Variants in NRXN3 observed in about 807,000 individuals in gnomAD.
NRXN3 encodes neurexin III.
NRXN3 carries 32 observed loss-of-function variants against 137.6 expected under a neutral mutation model. That is an observed-to-expected ratio of 0.23 (90% CI 0.18 to 0.31). The LOEUF (loss-of-function observed/expected upper bound fraction) is 0.31. NRXN3 is among the 10% of genes least tolerant of loss of function. The pLI, the probability that NRXN3 is intolerant of heterozygous loss-of-function variation, is 1.00. For synonymous variants in NRXN3, 798 were observed against 784.5 expected, an observed-to-expected ratio of 1.02 and a Z score of -0.29; for missense variants, 1,574 against 2,062.5, an observed-to-expected ratio of 0.76 and a Z score of 4.59.
chr14:79,020,647 G>A (rs574133919), intron 15 of NRXN3, among the ~76,000 whole-genome samples: 2 of 151,954 alleles, frequency 1.3e-5, no homozygotes, highest in South Asian at 4.2e-4. Flanking sequence ...TTAGAGGGGT[G>A]GAAGTTTAAG....
At chr14:79,773,654 G>T (rs2099087067) in intron 19 of NRXN3, among the ~76,000 whole-genome samples, 3 of 150,024 alleles carry the variant, frequency 2.0e-5, no homozygotes, top group Admixed American at 2.0e-4. Context: ...GGGAGGGATA[G>T]CATTGGGATA....
chr14:79,291,305 A>G (rs975555164), intron 15 of NRXN3, among the ~76,000 whole-genome samples: 6 of 152,216 alleles, frequency 3.9e-5, no homozygotes, highest in African/African-American at 1.4e-4. Flanking sequence ...GCCTTTCAAT[A>G]TGCCTGACAT....
chr14:78,900,974 G>A (rs1191741876), intron 10 of NRXN3, among the ~76,000 whole-genome samples: 1 of 152,018 alleles, frequency 6.6e-6, no homozygotes, highest in Non-Finnish European at 1.5e-5. Flanking sequence ...AGGGCATGTG[G>A]GCTGAATGAG....
intron 1 of NRXN3, among the ~76,000 whole-genome samples, chr14:78,233,730 C>T (rs2065795490): frequency 6.8e-6 from 1 of 147,698 alleles, no homozygotes. Flanking sequence ...CTCCTGTGGA[C>T]ACTGCTCCTG....
chr14:78,707,527 G>A (rs2098364777), intron 6 of NRXN3, among the ~76,000 whole-genome samples: 1 of 152,164 alleles, frequency 6.6e-6, no homozygotes, highest in Non-Finnish European at 1.5e-5. Context: ...TCTGCTTTTA[G>A]ATGGATTATA....
At chr14:78,938,289 T>C (rs2099345923) in intron 10 of NRXN3, among the ~76,000 whole-genome samples, 1 of 152,258 alleles carries the variant, frequency 6.6e-6, no homozygotes, top group African/African-American at 2.4e-5. Context: ...TTTGAAGCCA[T>C]GTCTGGCTCA....
At chr14:78,501,373 T>C (rs562969072) in intron 4 of NRXN3, among the ~76,000 whole-genome samples, 2 of 152,158 alleles carry the variant, frequency 1.3e-5, no homozygotes, top group Non-Finnish European at 2.9e-5. Context: ...CCCTCCCTCA[T>C]TGCCTCACCG....
chr14:79,678,450 G>A (rs1030492770), intron 17 of NRXN3, among the ~76,000 whole-genome samples: 13 of 152,228 alleles, frequency 8.5e-5, no homozygotes, highest in East Asian at 3.9e-4. Context: ...CCCAGGTTAA[G>A]GAAAGAGGAA....
chr14:78,903,370 G>T (rs1229209782), intron 10 of NRXN3, among the ~76,000 whole-genome samples: 1 of 151,742 alleles, frequency 6.6e-6, no homozygotes, highest in Admixed American at 6.6e-5. Flanking sequence ...TCAAACTCTT[G>T]GGCTCAAGGG....
At chr14:78,995,062 A>G (rs1413396451) in intron 15 of NRXN3, among the ~76,000 whole-genome samples, 1 of 152,212 alleles carries the variant, frequency 6.6e-6, no homozygotes, top group East Asian at 1.9e-4. Flanking sequence ...AGTCATTATT[A>G]GAAATAACAG....
At chr14:78,773,293 G>A (rs1216037600) in intron 8 of NRXN3, among the ~76,000 whole-genome samples, 2 of 152,146 alleles carry the variant, frequency 1.3e-5, no homozygotes, top group East Asian at 3.9e-4. Flanking sequence ...GGGTGGGAGA[G>A]TCTGAGGGTC....
chr14:79,712,606 T>C (rs908753952), intron 19 of NRXN3, among the ~76,000 whole-genome samples: 2 of 152,196 alleles, frequency 1.3e-5, no homozygotes, highest in Non-Finnish European at 2.9e-5. Flanking sequence ...TTCCTGTAAC[T>C]CTTTGTTTGT....
At chr14:78,607,309 T>G (rs1020650508) in intron 4 of NRXN3, among the ~76,000 whole-genome samples, 7 of 152,226 alleles carry the variant, frequency 4.6e-5, no homozygotes, top group South Asian at 2.1e-4. Flanking sequence ...TGAGCTTCCA[T>G]GAAAGCATTT....
chr14:79,061,313 AGACC>A (rs1243298237), intron 15 of NRXN3, among the ~76,000 whole-genome samples: 2 of 152,228 alleles, frequency 1.3e-5, no homozygotes, highest in African/African-American at 2.4e-5. Context: ...ACAAAGCTGT[AGACC>A]TTGGTGCTAT....
chr14:78,834,239 C>A (rs563457374), intron 10 of NRXN3, among the ~76,000 whole-genome samples: 2 of 151,960 alleles, frequency 1.3e-5, no homozygotes, highest in South Asian at 2.1e-4. Context: ...GATGTGATTC[C>A]GTTATGTATT....
chr14:79,520,376 A>G (rs1278209047), intron 16 of NRXN3, among the ~76,000 whole-genome samples: 1 of 152,100 alleles, frequency 6.6e-6, no homozygotes, highest in Non-Finnish European at 1.5e-5. Flanking sequence ...TACACCTGCC[A>G]TGGTGGTTTG....
At chr14:78,456,141 A>G (rs1232981660) in intron 4 of NRXN3, among the ~76,000 whole-genome samples, 1 of 152,200 alleles carries the variant, frequency 6.6e-6, no homozygotes, top group African/African-American at 2.4e-5. Context: ...CAGTCGCAGG[A>G]CAAACAGCAC....
intron 15 of NRXN3, among the ~76,000 whole-genome samples, chr14:79,288,718 G>A (rs2082685487): frequency 6.6e-6 from 1 of 152,168 alleles, no homozygotes; most frequent in African/African-American, 2.4e-5. Flanking sequence ...CAGGAATCAA[G>A]TACACAGATT....
Position 79,667,801 on chromosome 14 carries a change from G to C in NRXN3, c.3616+3852G>C, listed in dbSNP as rs565490447. 2.5e-4 allele frequency among the ~76,000 whole-genome samples: 38 copies of C among 152,046 alleles called. No individual in the cohort carries two copies. In the East Asian group the frequency reaches 2.5e-3, roughly 10 times the overall value. On this transcript the variant is annotated intron_variant, in intron 17 of 20. Coordinates refer to ENST00000335750, the MANE Select transcript of NRXN3 (RefSeq NM_001330195.2). ...AATGCGGTGGTAGGAACAAGGGAGG[G>C]GGGGTGAAAGGTGACTTGAGTATGA...
Sources: gnomAD v4.1 joint callset for allele counts (sites outside exome capture counted in the v4.1 genomes callset) on GRCh38, gnomAD v4.1.1 for gene constraint, MANE v1.5 for transcripts, NCBI Gene and HGNC (gene_info 2026-07-23, HGNC 2026-07-21) for gene names.